JCAD: variants seen among roughly 807,000 people sequenced by gnomAD.
The protein encoded by JCAD is junctional cadherin 5-associated protein.
Under a neutral mutation model 98.0 loss-of-function variants are expected in JCAD, and 40 were observed. The ratio of observed to expected loss-of-function variants is 0.41; its 90% confidence interval spans 0.32 to 0.53. The LOEUF (loss-of-function observed/expected upper bound fraction) is 0.53. Ranked by LOEUF, JCAD falls within the 20% of genes least tolerant of loss-of-function variation. JCAD has a pLI of 0.31. For synonymous variants in JCAD, 691 were observed against 682.3 expected, an observed-to-expected ratio of 1.01 and a Z score of -0.20; for missense variants, 1,705 against 1,738.1, an observed-to-expected ratio of 0.98 and a Z score of 0.34.
intron 2 of JCAD, among the ~76,000 whole-genome samples, chr10:30,045,567 A>T (rs1181617307): frequency 6.6e-6 from 1 of 152,200 alleles, no homozygotes; most frequent in East Asian, 1.9e-4. Context: ...GAAAAAACAA[A>T]ACAAAAACAA....
chr10:30,032,037 A>G (rs1197802040), intron 2 of JCAD, among the ~76,000 whole-genome samples: 1 of 152,146 alleles, frequency 6.6e-6, no homozygotes, highest in Non-Finnish European at 1.5e-5. Flanking sequence ...TACAGGCGTG[A>G]GCCACCGCGC....
chr10:30,029,632 T>C lies in JCAD; in HGVS notation c.516A>G (p.Glu172=). ...ACTTGGCAGGACCTGACATTCGCAATTCTTCTTCCCAAACTGGCTTCTTCA... is the reference window on the plus strand; with the variant it reads ...ACTTGGCAGGACCTGACATTCGCAACTCTTCTTCCCAAACTGGCTTCTTCA... ...HVMKKPVWEE[E]LRMSGPAKWQ... Residue 172 remains glutamate, a synonymous_variant, in exon 3 of 4, where the codon GAA becomes GAG. Coordinates refer to ENST00000375377, the MANE Select transcript of JCAD (RefSeq NM_020848.4). 1 of 1,614,224 alleles carries C rather than the reference T, an allele frequency of 6.2e-7. No homozygotes were observed. Among genetic ancestry groups the C allele is most frequent in the Non-Finnish European group, 8.5e-7 (1 of 1,180,044 alleles).
chr10:30,037,613 C>T (rs1589687417), intron 2 of JCAD, among the ~76,000 whole-genome samples: 2 of 151,796 alleles, frequency 1.3e-5, no homozygotes, highest in Admixed American at 6.6e-5. Context: ...AAGTACCTGG[C>T]GGACTATTTC....
Position 30,028,008 on chromosome 10 carries a change from T to C in JCAD, c.2140A>G (p.Ser714Gly). Reference protein sequence around the residue: ...LLPGAKLGGPSRAALSPKCSD... With the variant: ...LLPGAKLGGPGRAALSPKCSD... ...CATTTTGGACTCAATGCTGCACGAC[T>C]CGGCCCTCCCAGCTTTGCACCAGGG... Residue 714 changes from serine to glycine, a missense_variant, in exon 3 of 4, where the codon AGT (serine) becomes GGT (glycine). By Grantham distance (56) the Ser-to-Gly change is moderately conservative (BLOSUM62 0). This residue lies in a region of JCAD where 1,278 missense variants were observed against 1,243.1 expected (regional missense o/e 1.03). Transcript: ENST00000375377. 1 of 1,614,264 alleles carries C rather than the reference T, an allele frequency of 6.2e-7. No homozygotes were observed.
rs539002492 is a variant in JCAD, at chr10:30,028,632, C to T, written c.1516G>A (p.Gly506Arg). ...GGGAGGCCACTGTTTTCCCCATCCCCGGGGGGCTGGCCCCACAGCCACCGG... is the reference window on the plus strand; with the variant it reads ...GGGAGGCCACTGTTTTCCCCATCCCTGGGGGGCTGGCCCCACAGCCACCGG... ...SPRWLWGQPP[G>R]DGENSGLPNQ... Residue 506 changes from glycine to arginine, a missense_variant, in exon 3 of 4, where the codon GGG (glycine) becomes AGG (arginine). Physicochemically the swap from Gly to Arg is moderately radical, Grantham distance 125. This residue lies in a region of JCAD where 1,278 missense variants were observed against 1,243.1 expected (regional missense o/e 1.03). Transcript: ENST00000375377. 33 of 1,609,482 alleles carry T rather than the reference C, an allele frequency of 2.1e-5. No homozygotes were observed. The highest frequency in any genetic ancestry group is 1.9e-4 in the Admixed American group (11 of 59,398).
At chr10:30,020,641 A>C (rs370897663) in intron 3 of JCAD, among the ~76,000 whole-genome samples, 1 of 152,236 alleles carries the variant, frequency 6.6e-6, no homozygotes, top group African/African-American at 2.4e-5. Context: ...AATCTGGCTA[A>C]AAGGAAGGGG....
At chr10:30,102,704 GC>G (rs1838492403) in intron 1 of JCAD, among the ~76,000 whole-genome samples, 1 of 152,164 alleles carries the variant, frequency 6.6e-6, no homozygotes, top group South Asian at 2.1e-4. Context: ...GCCCTTCGGT[GC>G]CTGGCTTATT....
intron 2 of JCAD, among the ~76,000 whole-genome samples, chr10:30,030,428 G>A (rs1836967839): frequency 6.6e-6 from 1 of 152,108 alleles, no homozygotes; most frequent in East Asian, 1.9e-4. Context: ...GCAGCGGTGA[G>A]ACCCTGCCTC....
chr10:30,015,092 A>C lies in JCAD; in HGVS notation c.*2791T>G, dbSNP rs1265408560. On this transcript the variant is annotated 3_prime_UTR_variant, in exon 4 of 4. Coordinates refer to ENST00000375377, the MANE Select transcript of JCAD (RefSeq NM_020848.4). Reference sequence around the variant, plus strand: ...TCTTCAAAGAAAGGCAATTTGAGCTAAATTACCATCATTTTCCCTTCTTTT... The same window carrying C: ...TCTTCAAAGAAAGGCAATTTGAGCTCAATTACCATCATTTTCCCTTCTTTT... The C allele has an allele frequency of 1.3e-5, 2 of 152,232 alleles. No homozygotes were observed. Among genetic ancestry groups the C allele is most frequent in the African/African-American group, 4.8e-5 (2 of 41,466 alleles). 9.4% of individuals were successfully genotyped at this position (152,232 alleles called of 1,614,324 possible).
intron 2 of JCAD, among the ~76,000 whole-genome samples, chr10:30,068,607 CCTAA>C (rs1837827849): frequency 6.6e-6 from 1 of 152,134 alleles, no homozygotes; most frequent in Non-Finnish European, 1.5e-5. Context: ...TCATCCCTGC[CCTAA>C]CTGTGTTTTC....
Position 30,017,010 on chromosome 10 carries a change from T to C in JCAD, c.*873A>G, listed in dbSNP as rs1836548681. 6.6e-6 allele frequency: 1 copy of C among 152,188 alleles called. No individual in the cohort carries two copies. The highest frequency in any genetic ancestry group is 6.5e-5 in the Admixed American group (1 of 15,280). The allele number at this position is 152,188 out of a possible 1,614,324, so 9.4% of individuals were successfully genotyped here. The stretch of plus-strand genomic sequence containing the variant: ...AAGGGATACAGACTCTTAAATAAAA[T>C]AATACTTCCTTAAAAATCTGCCGCC... On this transcript the variant is annotated 3_prime_UTR_variant, in exon 4 of 4. Coordinates refer to ENST00000375377, the MANE Select transcript of JCAD (RefSeq NM_020848.4).
At chr10:30,067,504 T>A (rs1444797506) in intron 2 of JCAD, among the ~76,000 whole-genome samples, 6 of 152,126 alleles carry the variant, frequency 3.9e-5, no homozygotes, top group Non-Finnish European at 7.4e-5. Context: ...TTTTTTGTAT[T>A]TTTAGTAGAG....
chr10:30,030,016 C>A, intron 2 of JCAD, 150 bp from the exon 3 acceptor site: 1 of 955,376 alleles, frequency 1.0e-6, no homozygotes. Flanking sequence ...AAAACATATC[C>A]CATTAATTAT....
chr10:30,016,275 G>T lies in JCAD; in HGVS notation c.*1608C>A, dbSNP rs1203510456. On this transcript the variant is annotated 3_prime_UTR_variant, in exon 4 of 4. Coordinates refer to ENST00000375377, the MANE Select transcript of JCAD (RefSeq NM_020848.4). ...CGAAATGTCTAAAAATAGATAAGGT[G>T]GTTTCTCTAAAAGAAAATAAAATGA... The T allele has an allele frequency of 6.6e-6, 1 of 151,864 alleles. No individual in the cohort carries two copies. Among genetic ancestry groups the T allele is most frequent in the African/African-American group, 2.4e-5 (1 of 41,324 alleles). 9.4% of individuals were successfully genotyped at this position (151,864 alleles called of 1,614,324 possible).
chr10:30,024,412 G>A (rs1330212092), intron 3 of JCAD, among the ~76,000 whole-genome samples: 1 of 152,066 alleles, frequency 6.6e-6, no homozygotes, highest in Non-Finnish European at 1.5e-5. Flanking sequence ...GAGGAGGAAG[G>A]GGGACTGCAG....
At chr10:30,103,613 TAC>T (rs5784175) in intron 1 of JCAD, among the ~76,000 whole-genome samples, 29 of 97,508 alleles carry the variant, frequency 3.0e-4, no homozygotes, top group East Asian at 1.3e-3. Context: ...TATGTATAAA[TAC>T]ACACACACAC....
upstream of JCAD, among the ~76,000 whole-genome samples, chr10:30,062,524 G>A (rs1317545390): frequency 6.6e-6 from 1 of 152,192 alleles, no homozygotes; most frequent in African/African-American, 2.4e-5. Context: ...TAACAAAGAG[G>A]AAAGAGGGTG....
chr10:30,114,787 G>C (rs1243199029), intron 1 of JCAD, among the ~76,000 whole-genome samples: 1 of 151,798 alleles, frequency 6.6e-6, no homozygotes, highest in Non-Finnish European at 1.5e-5. Flanking sequence ...ATGAAAATAT[G>C]AGATAATAGA....
At chr10:30,050,138 G>C (rs113156752) in intron 1 of JCAD, among the ~76,000 whole-genome samples, 4 of 151,424 alleles carry the variant, frequency 2.6e-5, no homozygotes, top group African/African-American at 9.7e-5. Flanking sequence ...AACATGGTGA[G>C]AGCCTGTCTC....
Sources: gnomAD v4.1 joint callset for allele counts (sites outside exome capture counted in the v4.1 genomes callset) on GRCh38, gnomAD v4.1.1 for gene constraint, gnomAD v4.1.1 regional missense constraint, MANE v1.5 for transcripts, NCBI Gene and HGNC (gene_info 2026-07-23, HGNC 2026-07-21) for gene names.